DNAH9: variants seen among roughly 807,000 people sequenced by gnomAD.
DNAH9 encodes the protein DNAH9 variant protein.
Under a neutral mutation model 471.6 loss-of-function variants are expected in DNAH9, and 345 were observed. The observed-to-expected ratio is 0.73, with a 90% CI of 0.67 to 0.80. The LOEUF is 0.80. DNAH9 is among the 30% of genes least tolerant of loss of function. The pLI is 0.00. For synonymous variants in DNAH9, 2,093 were observed against 2,123.6 expected (o/e 0.99, Z 0.40); for missense variants, 5,407 against 5,609.2 (o/e 0.96, Z 1.15).
In DNAH9 at chr17:11,744,903, C is replaced by G. The variant is rs1351713264; in HGVS notation, c.6218C>G (p.Ser2073Cys). The G allele has an allele frequency of 6.2e-7, 1 of 1,614,046 alleles. No individual in the cohort carries two copies. The highest frequency in any genetic ancestry group is 1.3e-5 in the African/African-American group (1 of 74,940). ...DRPEDQVLMR[S>C]LRDFNIPKIV... ...CCTGAGGACCAGGTCCTGATGCGCT[C>G]CTTGCGGGATTTCAACATCCCCAAG... is the stretch of plus-strand genomic sequence containing the variant. The change falls in exon 31 of 69, where the codon TCC becomes TGC. Residue 2073 changes from serine (S) to cysteine (C), a missense_variant. Around this residue, in one of 3 missense-constraint regions of DNAH9, gnomAD observed 4,636 missense variants for 4,900.3 expected, o/e 0.95. Coordinates refer to ENST00000262442, the MANE Select transcript of DNAH9 (RefSeq NM_001372.4).
intron 67 of DNAH9, among the ~76,000 whole-genome samples, chr17:11,954,526 A>G (rs907719904): frequency 1.6e-5 from 2 of 121,500 alleles, no homozygotes; most frequent in African/African-American, 5.1e-5. Context: ...AAAGTGGAGA[A>G]CTATCATTAA....
intron 14 of DNAH9, among the ~76,000 whole-genome samples, chr17:11,663,646 G>A (rs2073814698): frequency 6.6e-6 from 1 of 152,174 alleles, no homozygotes; most frequent in South Asian, 2.1e-4. Context: ...ATTCCAACAC[G>A]TTTGTTTCTT....
intron 32 of DNAH9, 60 bp downstream of exon 32, chr17:11,747,826 CT>C: frequency 6.9e-7 from 1 of 1,459,276 alleles, no homozygotes; most frequent in Non-Finnish European, 9.6e-7. Flanking sequence ...CTGTGGCGGG[CT>C]TGGATGCAGT....
At chr17:11,689,507 A>T (rs1366400921) in intron 19 of DNAH9, 59 bp from the exon 20 acceptor site, 2 of 1,438,330 alleles carry the variant, frequency 1.4e-6, no homozygotes, top group Non-Finnish European at 1.9e-6. Flanking sequence ...TACCTTAGAG[A>T]TGCTAGGAGA....
chr17:11,764,972 C>T (rs1967870589), intron 36 of DNAH9, among the ~76,000 whole-genome samples: 1 of 151,988 alleles, frequency 6.6e-6, no homozygotes, highest in African/African-American at 2.4e-5. Flanking sequence ...CTGAGAAAAG[C>T]AAAAATAAAA....
At chr17:11,621,839 T>C (rs1039626845) in intron 6 of DNAH9, among the ~76,000 whole-genome samples, 3 of 152,144 alleles carry the variant, frequency 2.0e-5, no homozygotes, top group African/African-American at 2.4e-5. Context: ...CCCAGCACTT[T>C]AGGAGGCCGA....
intron 41 of DNAH9, among the ~76,000 whole-genome samples, chr17:11,787,308 TGGGC>T (rs1285733288): frequency 6.6e-6 from 1 of 152,210 alleles, no homozygotes; most frequent in Non-Finnish European, 1.5e-5. Context: ...CACCTGCAAT[TGGGC>T]AAAACTCAGT....
At chr17:11,894,219 T>TA (rs771935971) in intron 58 of DNAH9, among the ~76,000 whole-genome samples, 155 bp from the exon 59 acceptor site, 1 of 152,208 alleles carries the variant, frequency 6.6e-6, no homozygotes, top group East Asian at 1.9e-4. Flanking sequence ...TGTGTGAATA[T>TA]ACACTTCCTT....
intron 12 of DNAH9, among the ~76,000 whole-genome samples, chr17:11,647,456 AT>A (rs893734683): frequency 1.3e-5 from 2 of 152,040 alleles, no homozygotes; most frequent in African/African-American, 4.8e-5. Context: ...TGTACCCTGG[AT>A]TTCTTTTTTG....
intron 26 of DNAH9, among the ~76,000 whole-genome samples, chr17:11,707,798 G>A (rs557505643): frequency 6.6e-6 from 1 of 152,062 alleles, no homozygotes; most frequent in East Asian, 1.9e-4. Context: ...TTGATCACCT[G>A]GAGTTCATTC....
At chr17:11,845,667 GT>G (rs1408613674) in intron 49 of DNAH9, among the ~76,000 whole-genome samples, 1 of 138,008 alleles carries the variant, frequency 7.2e-6, no homozygotes, top group Non-Finnish European at 1.5e-5. Flanking sequence ...TCCAGCACTT[GT>G]TGTTTCCTGA....
rs745837376 is a variant in DNAH9, at chr17:11,669,398, CA to C, written c.2960del (p.Asn987ThrfsTer13). The C allele has an allele frequency of 6.2e-7, 1 of 1,613,200 alleles. No homozygotes were observed. Among genetic ancestry groups the C allele is most frequent in the Admixed American group, 1.7e-5 (1 of 59,940 alleles). On this transcript the variant is annotated frameshift_variant, in exon 17 of 69. Transcript: ENST00000262442. LOFTEE classifies it high-confidence loss of function. ...GACCTGGACGGTATACCAGATTTGG[CA>C]AACATGCGGCGCACACTCATGGAGA... ...QVDLDGIPDLANMRRTLMERV... is the reference protein window; with the variant it reads ...QVDLDGIPDLXNMRRTLMERV...
intron 32 of DNAH9, among the ~76,000 whole-genome samples, chr17:11,750,283 T>A (rs766973): frequency 0.74 from 111,115 of 151,078 alleles, 41,655 homozygotes; most frequent in East Asian, 0.91. Flanking sequence ...AAAAAAAAAA[T>A]TTTTTGGATA....
intron 61 of DNAH9, among the ~76,000 whole-genome samples, chr17:11,914,085 C>T (rs2190613): frequency 0.18 from 27,303 of 152,018 alleles, 2,668 homozygotes; most frequent in African/African-American, 0.26. Flanking sequence ...TCTAGGATTA[C>T]ACTTCCTTCT....
chr17:11,647,226 T>TG, intron 12 of DNAH9, 28 bp downstream of exon 12: 1 of 1,607,318 alleles, frequency 6.2e-7, no homozygotes, highest in Middle Eastern at 1.7e-4. Flanking sequence ...AGCTCTCTTT[T>TG]GGGTTCCTGA....
At chr17:11,955,502 C>T (rs1975593916) in intron 67 of DNAH9, among the ~76,000 whole-genome samples, 1 of 152,150 alleles carries the variant, frequency 6.6e-6, no homozygotes, top group Admixed American at 6.5e-5. Context: ...AAAGCAAGAC[C>T]TACCTATATG....
chr17:11,691,680 A>G (rs551054586), intron 20 of DNAH9, among the ~76,000 whole-genome samples: 1 of 152,266 alleles, frequency 6.6e-6, no homozygotes, highest in South Asian at 2.1e-4. Flanking sequence ...AACTTTTTTC[A>G]TTTGAACATT....
In DNAH9 at chr17:11,708,051, A is replaced by AGC. The variant is rs1460547010; in HGVS notation, c.5552+2867_5552+2868insCG. 9.4e-5 allele frequency among the ~76,000 whole-genome samples: 14 copies of AGC among 148,734 alleles called. No homozygotes were observed. In the South Asian group the frequency reaches 3.0e-3, roughly 32 times the overall value. The stretch of plus-strand genomic sequence containing the variant: ...GAGAGAGAGAGAGAGAGAGAGAGAG[A>AGC]GAGAGCAGGTAACCCTGACAGAGCC... On this transcript the variant is annotated intron_variant, in intron 26 of 68. Coordinates refer to ENST00000262442, the MANE Select transcript of DNAH9 (RefSeq NM_001372.4).
At position 11,822,831 on chromosome 17, in the gene DNAH9, ATGGCCTT is replaced by A. The variant is rs1240464587; in HGVS notation, c.9046_9052del (p.Ala3016SerfsTer13). 3.1e-6 allele frequency: 5 copies of A among 1,614,224 alleles called. No individual in the cohort carries two copies. The highest frequency in any genetic ancestry group is 4.2e-6 in the Non-Finnish European group (5 of 1,180,042). On this transcript the variant is annotated frameshift_variant, in exon 48 of 69. Coordinates refer to ENST00000262442, the MANE Select transcript of DNAH9 (RefSeq NM_001372.4). LOFTEE classifies it high-confidence loss of function. The stretch of plus-strand genomic sequence containing the variant: ...AGTAAAGCAGTCGATTAGCAAATTC[ATGGCCTT>A]TGTCCACACAAGTGTCAACCAAACA...
Sources: allele counts gnomAD v4.1 joint callset (sites outside exome capture counted in the v4.1 genomes callset), GRCh38; gene constraint gnomAD v4.1.1; regional missense constraint gnomAD v4.1.1; transcripts MANE v1.5; gene names NCBI Gene and HGNC (gene_info 2026-07-23, HGNC 2026-07-21).